The following MEIOB variants were observed in gnomAD, a reference collection of about 807,000 sequenced individuals.
The protein encoded by MEIOB is meiosis-specific with OB domain-containing protein.
In MEIOB, 50 loss-of-function variants were observed where a neutral mutation model predicts 53.1. That is an observed-to-expected ratio of 0.94 (90% CI 0.75 to 1.19). The LOEUF is 1.19. Ranked by LOEUF, MEIOB falls within the 50% of genes most tolerant of loss-of-function variation. The pLI is 0.00. For missense variants in MEIOB, 551 were observed against 550.8 expected (o/e 1.00, Z 0.00); for synonymous variants, 192 against 182.5 (o/e 1.05, Z -0.42).
At position 1,841,963 on chromosome 16, in the gene MEIOB, T is replaced by C. The variant is rs764544184; in HGVS notation, c.891A>G (p.Ile297Met). The C allele has an allele frequency of 6.4e-7, 1 of 1,565,576 alleles. No individual in the cohort carries two copies. The highest frequency in any genetic ancestry group is 2.3e-5 in the East Asian group (1 of 43,844). ...YFKESINLST[I>M]VDVYTVEQLK... is the part of the protein sequence containing the mutation. ...ATTGTTCAACTGTGTAGACATCAACTATTGTACTTACTAAAAACAGAAAGA... is the reference window on the plus strand; with the variant it reads ...ATTGTTCAACTGTGTAGACATCAACCATTGTACTTACTAAAAACAGAAAGA... Residue 297 changes from isoleucine (I) to methionine (M), a missense_variant, in exon 11 of 14, where the codon ATA becomes ATG. Ile to Met is a conservative substitution (Grantham distance 10, BLOSUM62 1). Coordinates refer to ENST00000325962, the MANE Select transcript of MEIOB (RefSeq NM_001163560.3).
chr16:1,846,027 C>T (rs938908320), intron 9 of MEIOB, among the ~76,000 whole-genome samples: 4 of 152,232 alleles, frequency 2.6e-5, no homozygotes, highest in African/African-American at 4.8e-5. Flanking sequence ...CTTGCCAGCA[C>T]GCAGTGTCCC....
chr16:1,863,326 C>T (rs1038509169), intron 3 of MEIOB, among the ~76,000 whole-genome samples: 5 of 151,478 alleles, frequency 3.3e-5, no homozygotes, highest in African/African-American at 1.2e-4. Context: ...GGGCTACAGA[C>T]GCACACCACC....
intron 13 of MEIOB, among the ~76,000 whole-genome samples, chr16:1,837,005 T>G (rs998851826): frequency 6.6e-6 from 1 of 152,140 alleles, no homozygotes; most frequent in Non-Finnish European, 1.5e-5. Flanking sequence ...CAGTCTCACC[T>G]GTGACCCAGT....
At chr16:1,838,217 C>G (rs1012180974) in intron 12 of MEIOB, 3 of 430,234 alleles carry the variant, frequency 7.0e-6, no homozygotes, top group African/African-American at 6.1e-5. Flanking sequence ...CCAGGGTGAT[C>G]TTGAACTCCT....
At chr16:1,834,714 C>A (rs1052354891) in intron 13 of MEIOB, among the ~76,000 whole-genome samples, 9 of 152,026 alleles carry the variant, frequency 5.9e-5, no homozygotes, top group Non-Finnish European at 1.0e-4. Context: ...GGGTGGATCA[C>A]CTGAGGTCAG....
intron 10 of MEIOB, among the ~76,000 whole-genome samples, 159 bp downstream of exon 10, chr16:1,844,697 CAAAAGA>C (rs961837955): frequency 9.9e-5 from 15 of 151,818 alleles, no homozygotes; most frequent in African/African-American, 3.1e-4. Flanking sequence ...CTCCTGGGCT[CAAAAGA>C]AAAAGAAAAA....
rs746739940 is a variant in MEIOB at position 1,844,880 on chromosome 16, A to C, written c.862T>G (p.Phe288Val). 1 of 1,544,892 alleles carries C rather than the reference A, an allele frequency of 6.5e-7. No individual in the cohort carries two copies. Among genetic ancestry groups the C allele is most frequent in the South Asian group, 1.2e-5 (1 of 84,970 alleles). Residue 288 changes from phenylalanine (F) to valine (V), a missense_variant, in exon 10 of 14, where the codon TTC becomes GTC. Physicochemically the swap from Phe to Val is conservative, Grantham distance 50. Transcript: ENST00000325962. Reference protein sequence around the residue: ...NVLDDEIDSYFKESINLSTIV... With the variant: ...NVLDDEIDSYVKESINLSTIV... ...CACTTACAATTTATGGATTCTTTGA[A>C]ATAACTGTCAATTTCATCATCCAGA...
chr16:1,837,497 C>T (rs760650713), intron 13 of MEIOB, among the ~76,000 whole-genome samples: 23 of 152,158 alleles, frequency 1.5e-4, no homozygotes, highest in Non-Finnish European at 3.2e-4. Flanking sequence ...TGTACTATTG[C>T]ACCCATCAGC....
intron 10 of MEIOB, among the ~76,000 whole-genome samples, chr16:1,842,854 G>C (rs2142080839): frequency 6.7e-6 from 1 of 149,420 alleles, no homozygotes; most frequent in Non-Finnish European, 1.5e-5. Context: ...AGTAGAGACG[G>C]GTTTTCACCG....
rs56066518 is a variant in MEIOB, at chr16:1,852,254, C to CT, written c.778+784dup. Among the ~76,000 whole-genome samples the CT allele has an allele frequency of 4.4e-3, 411 of 94,002 alleles. 15 individuals are homozygous for CT. The highest frequency in any genetic ancestry group is 5.4e-3 in the Admixed American group (35 of 6,440). 61.7% of individuals were successfully genotyped at this position (94,002 alleles called of 152,430 possible). A position where few individuals can be genotyped will look rare whatever the true frequency, so the allele number is the denominator to read the frequency against. ...ACTTTAAAATTAATCTGGTTTTTCA[C>CT]TTTTTTTTTTTTTTTTTTTTTTTTT... On this transcript the variant is annotated intron_variant, in intron 9 of 13. Coordinates refer to ENST00000325962, the MANE Select transcript of MEIOB (RefSeq NM_001163560.3).
intron 13 of MEIOB, among the ~76,000 whole-genome samples, chr16:1,835,424 A>G (rs1898716784): frequency 6.6e-6 from 1 of 152,180 alleles, no homozygotes; most frequent in Non-Finnish European, 1.5e-5. Flanking sequence ...TATTTTTTAT[A>G]ATTTATACAG....
chr16:1,855,978 G>C (rs1046477867), intron 6 of MEIOB, among the ~76,000 whole-genome samples: 1 of 141,484 alleles, frequency 7.1e-6, no homozygotes, highest in African/African-American at 2.7e-5. Flanking sequence ...TCTATATTAA[G>C]AAATTACTCT....
intron 6 of MEIOB, among the ~76,000 whole-genome samples, chr16:1,856,864 G>A (rs1274109712): frequency 6.7e-6 from 1 of 149,654 alleles, no homozygotes; most frequent in African/African-American, 2.5e-5. Context: ...CCCAGGCTCA[G>A]GTGATCCTCC....
chr16:1,862,830 A>C (rs946598906), intron 3 of MEIOB, among the ~76,000 whole-genome samples: 5 of 151,896 alleles, frequency 3.3e-5, no homozygotes, highest in African/African-American at 1.2e-4. Flanking sequence ...AGGCAGGAGA[A>C]TCGCTTGAAC....
rs748947281 is a variant in MEIOB, at chr16:1,853,067, G to C, written c.750C>G (p.Ile250Met). Residue 250 changes from isoleucine to methionine, a missense_variant, in exon 9 of 14, where the codon ATC (isoleucine) becomes ATG (methionine). Coordinates refer to ENST00000325962, the MANE Select transcript of MEIOB (RefSeq NM_001163560.3). The part of the protein sequence containing the change: ...KFRNCMTATV[I>M]SKTIITTNPD... ...GATTAGTTGTAATAATGGTTTTTGA[G>C]ATTACAGTTGCTGTCATGCAGTTCC... 1.2e-6 allele frequency: 2 copies of C among 1,612,086 alleles called. No individual in the cohort carries two copies. Among genetic ancestry groups the C allele is most frequent in the South Asian group, 2.2e-5 (2 of 91,022 alleles).
At chr16:1,862,535 G>C (rs941442737) in intron 3 of MEIOB, among the ~76,000 whole-genome samples, 1 of 152,172 alleles carries the variant, frequency 6.6e-6, no homozygotes, top group Non-Finnish European at 1.5e-5. Context: ...CAGAATGACT[G>C]CTTAAGCCCA....
chr16:1,840,769 C>G (rs1225102551), intron 11 of MEIOB, among the ~76,000 whole-genome samples: 1 of 152,058 alleles, frequency 6.6e-6, no homozygotes, highest in Non-Finnish European at 1.5e-5. Flanking sequence ...CCAGGATGGT[C>G]TCAATCTCCT....
chr16:1,862,244 CTA>C (rs1248651471), intron 3 of MEIOB, 128 bp from the exon 4 acceptor site: 5 of 696,554 alleles, frequency 7.2e-6, no homozygotes, highest in Middle Eastern at 6.0e-4. Flanking sequence ...AATCAAATAA[CTA>C]TTGATTATGA....
chr16:1,839,179 AAAC>A (rs1301993290), intron 12 of MEIOB, 73 bp downstream of exon 12: 1 of 1,446,820 alleles, frequency 6.9e-7, no homozygotes, highest in African/African-American at 1.4e-5. Flanking sequence ...ATGTTTGACA[AAAC>A]AACCTATATT....
Sources: allele counts gnomAD v4.1 joint callset (sites outside exome capture counted in the v4.1 genomes callset), GRCh38; gene constraint gnomAD v4.1.1; transcripts MANE v1.5; gene names NCBI Gene and HGNC (gene_info 2026-07-23, HGNC 2026-07-21).